Variants in IQSEC1 observed in about 807,000 individuals in gnomAD.
IQSEC1 encodes the protein IQ motif and SEC7 domain-containing protein 1.
Under a neutral mutation model 91.0 loss-of-function variants are expected in IQSEC1, and 31 were observed. That is an observed-to-expected ratio of 0.34 (90% confidence interval 0.26 to 0.46). The LOEUF (loss-of-function observed/expected upper bound fraction) is 0.46, where lower values mean the gene tolerates loss of function less well. IQSEC1 is among the 20% of genes least tolerant of loss of function. The pLI, the probability that IQSEC1 is intolerant of heterozygous loss-of-function variation, is 1.00. For synonymous variants in IQSEC1, 699 were observed against 662.6 expected (o/e 1.05, Z -0.84); for missense variants, 1,388 against 1,575.6 (o/e 0.88, Z 2.02).
At chr3:13,176,703 G>A (rs577364576) in intron 1 of IQSEC1, among the ~76,000 whole-genome samples, 1 of 152,316 alleles carries the variant, frequency 6.6e-6, no homozygotes, top group East Asian at 1.9e-4. Context: ...AGCTGGCAAG[G>A]GACGACCGGA....
intron 1 of IQSEC1, among the ~76,000 whole-genome samples, chr3:12,969,215 G>A (rs776905826): frequency 6.6e-5 from 10 of 152,078 alleles, no homozygotes; most frequent in Non-Finnish European, 1.5e-4. Context: ...CATAAAGAAC[G>A]CTCACAATTC....
At chr3:13,242,608 G>A (rs903682665) in intron 1 of IQSEC1, among the ~76,000 whole-genome samples, 7 of 152,200 alleles carry the variant, frequency 4.6e-5, no homozygotes, top group African/African-American at 1.7e-4. Context: ...GGCGGGGCTG[G>A]TCCTGCTCTG....
Position 13,017,448 on chromosome 3 carries a change from G to A in IQSEC1, c.23+55544C>T, listed in dbSNP as rs565942656. On this transcript the variant is annotated intron_variant, in intron 1 of 13. Transcript: ENST00000613206. The stretch of plus-strand genomic sequence containing the variant: ...TGTCAGAGTGGCTCATGCCCATGCC[G>A]CCTTGCTGCTGGGCTCTGAGCTCTC... 3.7e-4 allele frequency among the ~76,000 whole-genome samples: 56 copies of A among 152,280 alleles called. No homozygotes were observed. In the South Asian group the frequency reaches 4.1e-3, roughly 11 times the overall value.
intron 1 of IQSEC1, among the ~76,000 whole-genome samples, chr3:13,194,660 C>T (rs1166488964): frequency 6.6e-6 from 1 of 152,116 alleles, no homozygotes; most frequent in Non-Finnish European, 1.5e-5. Flanking sequence ...AGAGGAGACC[C>T]CTCGAGGTAG....
intron 1 of IQSEC1, among the ~76,000 whole-genome samples, chr3:12,943,583 G>A (rs964295677): frequency 1.3e-5 from 2 of 152,190 alleles, no homozygotes; most frequent in African/African-American, 4.8e-5. Flanking sequence ...AGAGAGATGG[G>A]CACACAGACC....
intron 2 of IQSEC1, among the ~76,000 whole-genome samples, chr3:13,102,875 T>C (rs3856817): frequency 0.16 from 24,295 of 152,192 alleles, 2,371 homozygotes; most frequent in East Asian, 0.41. Context: ...GGCCCACATA[T>C]TACTGCATTT....
chr3:12,963,543 G>T (rs753430930), intron 1 of IQSEC1, among the ~76,000 whole-genome samples: 17 of 152,230 alleles, frequency 1.1e-4, no homozygotes, highest in Non-Finnish European at 2.5e-4. Context: ...CATTTGTTGG[G>T]GATCTATCTG....
chr3:13,192,487 G>A (rs552765391), intron 1 of IQSEC1, among the ~76,000 whole-genome samples: 10 of 152,324 alleles, frequency 6.6e-5, no homozygotes, highest in South Asian at 2.1e-4. Context: ...ACGCAGGGAC[G>A]GACGACGTGA....
chr3:12,899,024 G>C lies in IQSEC1; in HGVS notation c.*1959C>G, dbSNP rs979183620. ...CCAAAGAAATGCCACGCCAATGGGA[G>C]GACACAGGTGGGCGGGTTAAAGTCA... is the stretch of plus-strand genomic sequence containing the variant. On this transcript the variant is annotated 3_prime_UTR_variant, in exon 14 of 14. Transcript: ENST00000613206. 1.2e-5 allele frequency: 3 copies of C among 259,550 alleles called. No homozygotes were observed. The highest frequency in any genetic ancestry group is 2.3e-5 in the Non-Finnish European group (3 of 131,980). 16.1% of individuals were successfully genotyped at this position (259,550 alleles called of 1,614,324 possible). A position where few individuals can be genotyped will look rare whatever the true frequency, so the allele number is the denominator to read the frequency against.
At chr3:13,052,743 C>G (rs757373507) in intron 1 of IQSEC1, among the ~76,000 whole-genome samples, 25 of 152,116 alleles carry the variant, frequency 1.6e-4, no homozygotes, top group Non-Finnish European at 1.0e-4. Flanking sequence ...TTCAGACAGA[C>G]GTACGTGGTG....
chr3:13,227,317 C>T (rs1190121876), intron 1 of IQSEC1, among the ~76,000 whole-genome samples: 14 of 130,056 alleles, frequency 1.1e-4, no homozygotes, highest in South Asian at 5.2e-4. Flanking sequence ...CAGAGGATGC[C>T]GTGAGCCGAG....
chr3:13,194,593 T>G (rs1343827424), intron 1 of IQSEC1, among the ~76,000 whole-genome samples: 4 of 152,114 alleles, frequency 2.6e-5, no homozygotes, highest in Non-Finnish European at 4.4e-5. Context: ...GTAGTTAACA[T>G]GTAAGGCCCA....
chr3:13,059,269 C>A (rs1057411591), intron 1 of IQSEC1, among the ~76,000 whole-genome samples: 1 of 152,142 alleles, frequency 6.6e-6, no homozygotes, highest in Non-Finnish European at 1.5e-5. Context: ...CCAGGCCAGA[C>A]CCCTAGGCAC....
At chr3:13,015,822 C>T (rs1703101587) in intron 1 of IQSEC1, 1 of 673,634 alleles carries the variant, frequency 1.5e-6, no homozygotes, top group Non-Finnish European at 1.8e-6. Flanking sequence ...CCAGGTCTGG[C>T]AAACCCAAAT....
rs891829957 is a variant in IQSEC1 at position 12,897,848 on chromosome 3, T to A, written c.*3135A>T. The A allele has an allele frequency of 6.6e-6, 1 of 152,230 alleles. No individual in the cohort carries two copies. Among genetic ancestry groups the A allele is most frequent in the Non-Finnish European group, 1.5e-5 (1 of 68,040 alleles). The allele number at this position is 152,230 out of a possible 1,614,324, so 9.4% of individuals were successfully genotyped here. A position where few individuals can be genotyped will look rare whatever the true frequency, so the allele number is the denominator to read the frequency against. On this transcript the variant is annotated 3_prime_UTR_variant, in exon 14 of 14. Transcript: ENST00000613206. ...GTGAGGGAAAGATCACTGCACTGGG[T>A]GCTGAAGACATTTTTAAGCAAGATG...
intron 9 of IQSEC1, among the ~76,000 whole-genome samples, chr3:12,912,670 C>CAAAAAAAA (rs561314162): frequency 2.0e-4 from 11 of 54,000 alleles, no homozygotes; most frequent in Non-Finnish European, 3.7e-4. Context: ...GACTCCGTCT[C>CAAAAAAAA]AAAAAAAAAA....
intron 2 of IQSEC1, among the ~76,000 whole-genome samples, chr3:12,941,079 C>G (rs1211471209): frequency 1.3e-5 from 2 of 152,210 alleles, no homozygotes; most frequent in African/African-American, 2.4e-5. Flanking sequence ...GAGCAAGCAG[C>G]CTCCCCTGGC....
chr3:12,936,069 G>A lies in IQSEC1; in HGVS notation c.947C>T (p.Ser316Leu), dbSNP rs1328575200. ...QAGDRPSSTESDLRLRAGGAA... is the reference protein window; with the variant it reads ...QAGDRPSSTELDLRLRAGGAA... The stretch of plus-strand genomic sequence containing the variant: ...GCCCCCAGCCCGTAGCCGCAGGTCC[G>A]ACTCGGTGCTGGACGGCCGGTCCCC... Residue 316 changes from serine (S) to leucine (L), a missense_variant, in exon 3 of 14, where the codon TCG becomes TTG. By Grantham distance (145) the Ser-to-Leu change is moderately radical. This residue lies in a region of IQSEC1 where 1,059 missense variants were observed against 1,317.8 expected (regional missense o/e 0.80). Transcript: ENST00000613206. 13 of 1,607,930 alleles carry A rather than the reference G, an allele frequency of 8.1e-6. No individual in the cohort carries two copies. The highest frequency in any genetic ancestry group is 1.3e-5 in the African/African-American group (1 of 75,064).
chr3:12,905,589 C>T (rs747826239), intron 12 of IQSEC1, among the ~76,000 whole-genome samples: 22 of 152,372 alleles, frequency 1.4e-4, no homozygotes, highest in South Asian at 4.1e-4. Flanking sequence ...CTGGCATCTG[C>T]GTGCTGCACC....
Sources: allele counts gnomAD v4.1 joint callset (sites outside exome capture counted in the v4.1 genomes callset), GRCh38; gene constraint gnomAD v4.1.1; regional missense constraint gnomAD v4.1.1; transcripts MANE v1.5; gene names NCBI Gene and HGNC (gene_info 2026-07-23, HGNC 2026-07-21).